Variants in PUDP observed in about 807,000 individuals in gnomAD.
PUDP encodes pseudouridine-5'-phosphatase.
PUDP carries 8 observed loss-of-function variants against 9.4 expected under a neutral mutation model. The observed-to-expected ratio is 0.85, with a 90% CI of 0.50 to 1.53. The LOEUF (loss-of-function observed/expected upper bound fraction) is 1.53. Among genes scored for constraint, PUDP ranks in the 40% most tolerant of loss-of-function variants. The pLI, the probability that PUDP is intolerant of heterozygous loss-of-function variation, is 0.00. For synonymous variants in PUDP, 99 were observed against 80.7 expected (o/e 1.23, Z -1.22); for missense variants, 188 against 189.7 (o/e 0.99, Z 0.05).
intron 3 of PUDP, among the ~76,000 whole-genome samples, chrX:6,939,429 TA>T (rs924158653): frequency 9.3e-6 from 1 of 107,951 alleles, no homozygotes; most frequent in Non-Finnish European, 1.9e-5. Context: ...ATAGATACAT[TA>T]TTTTGTGATT....
At chrX:7,124,182 C>A (rs766138519) in intron 1 of PUDP, among the ~76,000 whole-genome samples, 7 of 112,117 alleles carry the variant, frequency 6.2e-5, no homozygotes, top group Non-Finnish European at 1.9e-5. Flanking sequence ...GAAGTGAAAT[C>A]ATATATTTTC....
At chrX:6,798,089 CT>C (rs750841706) in intron 3 of PUDP, among the ~76,000 whole-genome samples, 1 of 112,184 alleles carries the variant, frequency 8.9e-6, no homozygotes, top group East Asian at 2.8e-4. Context: ...CTCATTGCTG[CT>C]AATAAACACA....
At chrX:6,983,706 G>T (rs1363329970) in intron 1 of PUDP, among the ~76,000 whole-genome samples, 1 of 112,095 alleles carries the variant, frequency 8.9e-6, no homozygotes, top group African/African-American at 3.2e-5. Flanking sequence ...AATAAGGACA[G>T]TTTAGAGGTT....
At chrX:7,041,774 C>T (rs1254644408) in intron 1 of PUDP, among the ~76,000 whole-genome samples, 1 of 111,528 alleles carries the variant, frequency 9.0e-6, no homozygotes, top group African/African-American at 3.3e-5. Context: ...TCCAGTTTGT[C>T]TCTGATCTCC....
chrX:6,855,081 T>C (rs1408178016), intron 3 of PUDP, among the ~76,000 whole-genome samples: 4 of 106,360 alleles, frequency 3.8e-5, no homozygotes, highest in Non-Finnish European at 5.8e-5. Context: ...CTTCCACCTC[T>C]GCACCCCTGT....
intron 1 of PUDP, among the ~76,000 whole-genome samples, chrX:6,986,025 T>G (rs750087164): frequency 1.8e-5 from 2 of 111,342 alleles, no homozygotes; most frequent in East Asian, 5.7e-4. Context: ...CTGGTCGTCT[T>G]CACTGCTACA....
At chrX:6,908,916 G>C in intron 3 of PUDP, among the ~76,000 whole-genome samples, 1 of 111,452 alleles carries the variant, frequency 9.0e-6, no homozygotes, top group Non-Finnish European at 1.9e-5. Flanking sequence ...ACCAGAAGCC[G>C]ATAGCTGTAA....
intron 1 of PUDP, chrX:7,112,930 T>A (rs1320371662): frequency 8.9e-6 from 1 of 112,578 alleles, no homozygotes; most frequent in African/African-American, 3.2e-5. Context: ...CCCAAAGTGC[T>A]GGGATTACAG....
chrX:6,802,209 T>C (rs995655145), intron 3 of PUDP, among the ~76,000 whole-genome samples: 2 of 111,628 alleles, frequency 1.8e-5, no homozygotes, highest in African/African-American at 6.5e-5. Flanking sequence ...AATTATCCCA[T>C]TCCCATTTTA....
intron 1 of PUDP, among the ~76,000 whole-genome samples, chrX:7,140,941 T>C (rs921296492): frequency 8.9e-6 from 1 of 111,791 alleles, no homozygotes; most frequent in African/African-American, 3.3e-5. Flanking sequence ...GATGTTACCA[T>C]TGTCATTGTT....
chrX:6,705,895 AAAAC>A (rs1001639035), intron 2 of PUDP, among the ~76,000 whole-genome samples: 2 of 112,726 alleles, frequency 1.8e-5, no homozygotes, highest in African/African-American at 3.2e-5. Flanking sequence ...AGTTTAAAAC[AAAAC>A]AAACAAACAA....
intron 3 of PUDP, among the ~76,000 whole-genome samples, chrX:7,051,751 C>T (rs1337102891): frequency 8.9e-6 from 1 of 112,001 alleles, no homozygotes; most frequent in Non-Finnish European, 1.9e-5. Context: ...TTCATATCAC[C>T]GACCCTCTCA....
chrX:7,041,001 T>C (rs747017956), intron 1 of PUDP, among the ~76,000 whole-genome samples: 2 of 112,024 alleles, frequency 1.8e-5, no homozygotes, highest in African/African-American at 3.2e-5. Flanking sequence ...TCCCCTTCTT[T>C]CCTTGCCCTC....
At chrX:6,940,031 G>A (rs1928376961) in intron 3 of PUDP, among the ~76,000 whole-genome samples, 1 of 112,673 alleles carries the variant, frequency 8.9e-6, no homozygotes, top group Non-Finnish European at 1.9e-5. Context: ...TGTGTTAACT[G>A]AAATCAAGAA....
At chrX:6,780,960 G>C (rs1001366568) in intron 3 of PUDP, among the ~76,000 whole-genome samples, 1 of 111,176 alleles carries the variant, frequency 9.0e-6, no homozygotes, top group Admixed American at 9.5e-5. Flanking sequence ...AGGAGGCTGA[G>C]GCAGGATAAT....
In PUDP at chrX:6,849,331, A is replaced by G. The variant is rs749453771; in HGVS notation, c.*247+127802T>C. Among the ~76,000 whole-genome samples, 8 of 112,306 alleles carry G rather than the reference A, an allele frequency of 7.1e-5. No individual in the cohort carries two copies. The South Asian group carries it at 2.6e-3, about 37-fold the overall frequency. On this transcript the variant is annotated intron_variant and NMD_transcript_variant, in intron 3 of 3. Coordinates refer to the PUDP transcript ENST00000655425. ...TTGACTTGAATGATCTTAACATGTG[A>G]GCATCATTTAATGAATATGAGTTTT...
At chrX:6,795,301 T>C (rs1488842605) in intron 3 of PUDP, among the ~76,000 whole-genome samples, 1 of 112,104 alleles carries the variant, frequency 8.9e-6, no homozygotes, top group African/African-American at 3.2e-5. Flanking sequence ...AATTTCATCC[T>C]AGTTTCAGGC....
At chrX:7,051,652 A>G (rs1040530451) in intron 3 of PUDP, among the ~76,000 whole-genome samples, 1 of 112,583 alleles carries the variant, frequency 8.9e-6, no homozygotes, top group Admixed American at 9.3e-5. Context: ...TGACAATGTT[A>G]CAGTAAGTTT....
At chrX:6,923,679 A>C (rs774600884) in intron 3 of PUDP, among the ~76,000 whole-genome samples, 1 of 111,035 alleles carries the variant, frequency 9.0e-6, no homozygotes, top group African/African-American at 3.3e-5. Flanking sequence ...GAATTATTGC[A>C]AGTGTCTCCT....
Sources: allele counts gnomAD v4.1 joint callset (sites outside exome capture counted in the v4.1 genomes callset), GRCh38; gene constraint gnomAD v4.1.1; transcripts MANE v1.5; gene names NCBI Gene and HGNC (gene_info 2026-07-23, HGNC 2026-07-21).